The following HBP1 variants were observed in gnomAD, a reference collection of about 807,000 sequenced individuals.
The protein encoded by HBP1 is HMG box-containing protein 1.
Under a neutral mutation model 62.6 loss-of-function variants are expected in HBP1, and 20 were observed. The observed-to-expected ratio is 0.32, with a 90% CI of 0.22 to 0.46. The LOEUF is 0.46. Among genes scored for constraint, HBP1 ranks in the 20% least tolerant of loss-of-function variants. The pLI is 1.00. For missense variants in HBP1, 480 were observed against 611.8 expected (o/e 0.78, Z 2.27); for synonymous variants, 232 against 206.2 (o/e 1.12, Z -1.07).
chr7:107,200,312 A>G lies in HBP1; in HGVS notation c.1527+11A>G. The G allele has an allele frequency of 6.2e-7, 1 of 1,606,482 alleles. No individual in the cohort carries two copies. On this transcript the variant is annotated intron_variant, in intron 10 of 10. Transcript: ENST00000222574. The stretch of plus-strand genomic sequence containing the variant: ...AAAAGAACCAATTCAGTATGTTTCA[A>G]TAAATAGTGTTTAAAATTATCTTGC...
At chr7:107,180,777 A>G (rs1296380998) in intron 2 of HBP1, among the ~76,000 whole-genome samples, 2 of 152,222 alleles carry the variant, frequency 1.3e-5, no homozygotes, top group Admixed American at 6.5e-5. Context: ...CTTGGGACAC[A>G]TAACCTGCTT....
intron 1 of HBP1, among the ~76,000 whole-genome samples, chr7:107,170,533 A>G (rs900318650): frequency 1.2e-4 from 18 of 152,156 alleles, no homozygotes; most frequent in Non-Finnish European, 2.9e-5. Flanking sequence ...AGTAGTTGAC[A>G]AAATTTCAAG....
At chr7:107,171,345 C>T (rs1796586395) in intron 1 of HBP1, among the ~76,000 whole-genome samples, 2 of 151,612 alleles carry the variant, frequency 1.3e-5, no homozygotes, top group African/African-American at 4.9e-5. Flanking sequence ...GCTGGGATTA[C>T]AGGTGTGAGC....
chr7:107,171,303 C>T (rs1468361135), intron 1 of HBP1, among the ~76,000 whole-genome samples: 2 of 151,192 alleles, frequency 1.3e-5, no homozygotes, highest in African/African-American at 4.9e-5. Flanking sequence ...ATCTCCTGAC[C>T]TCGTGATCTG....
At chr7:107,172,926 A>G (rs1796669792) in intron 1 of HBP1, among the ~76,000 whole-genome samples, 1 of 152,184 alleles carries the variant, frequency 6.6e-6, no homozygotes, top group Non-Finnish European at 1.5e-5. Flanking sequence ...AAACAGGTCC[A>G]AATAAGAAAA....
chr7:107,196,222 G>GT (rs1479903408), intron 9 of HBP1, 71 bp downstream of exon 9: 2 of 907,922 alleles, frequency 2.2e-6, no homozygotes, highest in African/African-American at 3.3e-5. Context: ...AACTGGAATA[G>GT]TTAAGTAAAC....
At chr7:107,180,339 G>T (rs931616328) in intron 2 of HBP1, among the ~76,000 whole-genome samples, 1 of 152,214 alleles carries the variant, frequency 6.6e-6, no homozygotes, top group African/African-American at 2.4e-5. Context: ...CTTTTCGAAA[G>T]ATGCTACTTT....
intron 2 of HBP1, among the ~76,000 whole-genome samples, chr7:107,181,649 T>C (rs1321124403): frequency 1.3e-5 from 2 of 151,724 alleles, no homozygotes; most frequent in Non-Finnish European, 2.9e-5. Flanking sequence ...GGTATGTGTT[T>C]CGTGGAGAGT....
chr7:107,181,433 C>G (rs1797101688), intron 2 of HBP1, among the ~76,000 whole-genome samples: 1 of 151,912 alleles, frequency 6.6e-6, no homozygotes. Flanking sequence ...AATTGTACCA[C>G]TGCACTCCAG....
intron 6 of HBP1, 45 bp downstream of exon 6, chr7:107,186,726 G>A: frequency 1.9e-6 from 2 of 1,056,992 alleles, no homozygotes; most frequent in Non-Finnish European, 2.9e-6. Context: ...CTTTCCAAAT[G>A]AAACAAGATT....
chr7:107,189,049 T>G (rs1467794408), intron 6 of HBP1, among the ~76,000 whole-genome samples: 1 of 152,192 alleles, frequency 6.6e-6, no homozygotes, highest in East Asian at 1.9e-4. Context: ...AATCTCTCTT[T>G]TGGTATTAAT....
At chr7:107,173,171 G>A (rs996902159) in intron 1 of HBP1, among the ~76,000 whole-genome samples, 2 of 152,186 alleles carry the variant, frequency 1.3e-5, no homozygotes, top group African/African-American at 2.4e-5. Context: ...CTTTGTTATG[G>A]AGGCTTGTTT....
At chr7:107,184,504 C>T (rs1584487670) in intron 3 of HBP1, among the ~76,000 whole-genome samples, 1 of 150,814 alleles carries the variant, frequency 6.6e-6, no homozygotes, top group Non-Finnish European at 1.5e-5. Context: ...GATGTCCTTT[C>T]TCTCTTTTTT....
chr7:107,189,533 G>A, intron 7 of HBP1, 85 bp downstream of exon 7: 1 of 1,040,482 alleles, frequency 9.6e-7, no homozygotes, highest in Non-Finnish European at 1.4e-6. Context: ...TGATGATTAA[G>A]AAAAAATTTG....
chr7:107,189,489 A>G (rs1433743552), intron 7 of HBP1, 41 bp downstream of exon 7: 6 of 1,460,836 alleles, frequency 4.1e-6, no homozygotes, highest in Non-Finnish European at 4.7e-6. Flanking sequence ...TTTTTAAACA[A>G]AGCTTCTTAA....
intron 6 of HBP1, among the ~76,000 whole-genome samples, chr7:107,188,478 G>A (rs560689570): frequency 2.0e-5 from 3 of 152,242 alleles, no homozygotes; most frequent in East Asian, 3.9e-4. Flanking sequence ...ATGCGTTAGC[G>A]TAATTATGAT....
rs116812198 is a variant in HBP1, at chr7:107,172,800, C to G, written c.-16+3615C>G. 4.4e-3 allele frequency among the ~76,000 whole-genome samples: 661 copies of G among 151,574 alleles called. 6 individuals carry two copies. Among genetic ancestry groups the G allele is most frequent in the African/African-American group, 0.016 (646 of 41,278 alleles). ...TAGAGATGGGATCTTGCTATGTTGC[C>G]CTGGTTGGTCTTGAACTCCTGGCTC... On this transcript the variant is annotated intron_variant, in intron 1 of 10. Coordinates refer to ENST00000222574, the MANE Select transcript of HBP1 (RefSeq NM_012257.4).
chr7:107,181,830 T>TA (rs1797120395), intron 2 of HBP1, among the ~76,000 whole-genome samples: 1 of 151,970 alleles, frequency 6.6e-6, no homozygotes, highest in African/African-American at 2.4e-5. Flanking sequence ...GGTAGCTGGG[T>TA]AATAGTTCCA....
intron 1 of HBP1, among the ~76,000 whole-genome samples, chr7:107,172,521 C>G (rs1277328537): frequency 2.0e-5 from 3 of 152,098 alleles, no homozygotes; most frequent in Non-Finnish European, 4.4e-5. Flanking sequence ...TCTTATATGA[C>G]TCATCTTAAA....
Sources: allele counts gnomAD v4.1 joint callset (sites outside exome capture counted in the v4.1 genomes callset), GRCh38; gene constraint gnomAD v4.1.1; transcripts MANE v1.5; gene names NCBI Gene and HGNC (gene_info 2026-07-23, HGNC 2026-07-21).